PSEN1: variants seen among roughly 807,000 people sequenced by gnomAD.
PSEN1 encodes presenilin-1.
Under a neutral mutation model 53.5 loss-of-function variants are expected in PSEN1, and 15 were observed. The observed-to-expected ratio is 0.28, with a 90% CI of 0.19 to 0.43. The LOEUF (loss-of-function observed/expected upper bound fraction) is 0.43, where lower values mean the gene tolerates loss of function less well. PSEN1 is among the 20% of genes least tolerant of loss of function. The pLI, the probability that PSEN1 is intolerant of heterozygous loss-of-function variation, is 1.00. For missense variants in PSEN1, 387 were observed against 571.2 expected, an observed-to-expected ratio of 0.68 and a Z score of 3.29; for synonymous variants, 208 against 209.8, an observed-to-expected ratio of 0.99 and a Z score of 0.08.
chr14:73,210,949 G>C (rs1243925564), intron 9 of PSEN1, among the ~76,000 whole-genome samples: 3 of 152,084 alleles, frequency 2.0e-5, no homozygotes, highest in Admixed American at 2.0e-4. Context: ...GAGATTGATA[G>C]TCATTATAAT....
At chr14:73,161,760 A>G (rs1420787323) in intron 3 of PSEN1, among the ~76,000 whole-genome samples, 2 of 152,136 alleles carry the variant, frequency 1.3e-5, no homozygotes, top group African/African-American at 2.4e-5. Flanking sequence ...TGGCCCCTTC[A>G]GAGGCCAAGC....
At chr14:73,190,506 T>A (rs1293650051) in intron 6 of PSEN1, among the ~76,000 whole-genome samples, 4 of 149,466 alleles carry the variant, frequency 2.7e-5, no homozygotes, top group Non-Finnish European at 3.0e-5. Context: ...AAAAAAAAAA[T>A]TAAAATATGC....
chr14:73,150,666 T>G (rs1594967937), intron 3 of PSEN1, among the ~76,000 whole-genome samples: 1 of 147,132 alleles, frequency 6.8e-6, no homozygotes, highest in Admixed American at 7.1e-5. Flanking sequence ...CTCCAGAAAC[T>G]GAGGCAGAGA....
At chr14:73,144,327 A>G (rs1897010494) in intron 1 of PSEN1, among the ~76,000 whole-genome samples, 1 of 152,152 alleles carries the variant, frequency 6.6e-6, no homozygotes, top group African/African-American at 2.4e-5. Context: ...GGCGTGAGCC[A>G]CTGCGCCCAG....
intron 10 of PSEN1, among the ~76,000 whole-genome samples, chr14:73,215,443 C>T (rs1899873707): frequency 6.6e-6 from 1 of 151,166 alleles, no homozygotes; most frequent in African/African-American, 2.4e-5. Flanking sequence ...ATTAGCCGGG[C>T]GTGGTGGCGC....
intron 10 of PSEN1, among the ~76,000 whole-genome samples, chr14:73,214,885 T>C (rs1036848795): frequency 1.3e-5 from 2 of 152,218 alleles, no homozygotes; most frequent in African/African-American, 4.8e-5. Context: ...GATACGATTA[T>C]ACCTAGTGTC....
rs900305200 is a variant in PSEN1, at chr14:73,194,376, C to T, written c.769+1512C>T. 4.1e-4 allele frequency among the ~76,000 whole-genome samples: 62 copies of T among 151,990 alleles called. 1 individual carries two copies. The highest frequency in any genetic ancestry group is 1.4e-3 in the African/African-American group (56 of 41,358). On this transcript the variant is annotated intron_variant, in intron 7 of 11. Transcript: ENST00000324501. Reference sequence around the variant, plus strand: ...GGCTCAAACAATCCTCCCACCTCAGCCTTCAAAGTAGATAGAACTACAGGC... The same window carrying T: ...GGCTCAAACAATCCTCCCACCTCAGTCTTCAAAGTAGATAGAACTACAGGC...
Position 73,147,875 on chromosome 14 carries a change from AG to A in PSEN1, c.-54+1del, listed in dbSNP as rs1486792550. The stretch of plus-strand genomic sequence containing the variant: ...GCCTGGAGGAGAACACATGAAAGAA[AG>A]GTTTGTTTCTGCTTAATGTAATCTA... On this transcript the variant is annotated splice_region_variant and 5_prime_UTR_variant, in exon 2 of 12. Coordinates refer to ENST00000324501, the MANE Select transcript of PSEN1 (RefSeq NM_000021.4). The A allele has an allele frequency of 2.8e-6, 2 of 713,200 alleles. No individual in the cohort carries two copies. The highest frequency in any genetic ancestry group is 1.8e-5 in the African/African-American group (1 of 56,880). The allele number at this position is 713,200 out of a possible 1,614,324, so 44.2% of individuals were successfully genotyped here. A position where few individuals can be genotyped will look rare whatever the true frequency, so the allele number is the denominator to read the frequency against.
intron 5 of PSEN1, chr14:73,173,929 C>G (rs373588204): frequency 5.6e-5 from 36 of 646,212 alleles, no homozygotes; most frequent in Admixed American, 2.5e-5. Context: ...GCAGGAGGAT[C>G]ACTTGGGCCC....
intron 5 of PSEN1, among the ~76,000 whole-genome samples, chr14:73,176,577 G>A (rs531844391): frequency 6.6e-6 from 1 of 152,122 alleles, no homozygotes; most frequent in South Asian, 2.1e-4. Flanking sequence ...ATTTTTCTGT[G>A]TTTTCATATT....
At position 73,198,110 on chromosome 14, in the gene PSEN1, T is replaced by C; in HGVS notation, c.849T>C (p.Phe283=). ...CTCAGGAGAGAAATGAAACGCTTTT[T>C]CCAGCTCTCATTTACTCCTGTAAGT... ...ETAQERNETL[F]PALIYSSTMV... Residue 283 remains phenylalanine, a synonymous_variant, in exon 8 of 12, where the codon TTT becomes TTC. Transcript: ENST00000324501. 1 of 1,606,980 alleles carries C rather than the reference T, an allele frequency of 6.2e-7. No homozygotes were observed. The highest frequency in any genetic ancestry group is 8.5e-7 in the Non-Finnish European group (1 of 1,173,902).
At chr14:73,214,046 A>G (rs947465772) in intron 10 of PSEN1, among the ~76,000 whole-genome samples, 3 of 152,212 alleles carry the variant, frequency 2.0e-5, no homozygotes, top group Non-Finnish European at 4.4e-5. Flanking sequence ...TCATAGTAAT[A>G]TTGTTCATAA....
chr14:73,217,259 A>G lies in PSEN1; in HGVS notation c.1248+15A>G. The stretch of plus-strand genomic sequence containing the variant: ...CCATATTAATTGTAAGTATACACTA[A>G]TAAGAATGTGTCAGAGCTCTTAATG... On this transcript the variant is annotated intron_variant, in intron 11 of 11. Transcript: ENST00000324501. 6.2e-7 allele frequency: 1 copy of G among 1,613,900 alleles called. No homozygotes were observed. The highest frequency in any genetic ancestry group is 2.2e-5 in the East Asian group (1 of 44,876).
At chr14:73,158,282 T>TTCTATCTATCTATCTGTCTGTCTATCTA (rs1555351587) in intron 3 of PSEN1, among the ~76,000 whole-genome samples, 1 of 141,464 alleles carries the variant, frequency 7.1e-6, no homozygotes, top group African/African-American at 2.7e-5. Flanking sequence ...TAACTTTTTT[T>TTCTATCTATCTATCTGTCTGTCTATCTA]TCTATCTATC....
rs947254918 is a variant in PSEN1 at position 73,139,357 on chromosome 14, A to G, written c.-136+2774A>G. ...CACTTTGGGAGGCCGAGGCAGGTAG[A>G]TCACCTGAGGTCAGGAGTTCGAGAC... is the stretch of plus-strand genomic sequence containing the variant. On this transcript the variant is annotated intron_variant, in intron 1 of 11. Transcript: ENST00000324501. 1.4e-4 allele frequency: 21 copies of G among 152,302 alleles called. 1 individual carries two copies. Among genetic ancestry groups the G allele is most frequent in the African/African-American group, 5.1e-4 (21 of 41,504 alleles). 9.4% of individuals were successfully genotyped at this position (152,302 alleles called of 1,614,324 possible).
chr14:73,188,467 A>G lies in PSEN1; in HGVS notation c.548+1547A>G, dbSNP rs1898597835. ...TTGAAAGTTGGATACCAACCTGCGC[A>G]ACATAACAAGACTTTGCCTCTACAA... is the stretch of plus-strand genomic sequence containing the variant. On this transcript the variant is annotated intron_variant, in intron 6 of 11. Transcript: ENST00000324501. 3.9e-5 allele frequency among the ~76,000 whole-genome samples: 6 copies of G among 152,134 alleles called. No individual in the cohort carries two copies. In the South Asian group the frequency reaches 1.2e-3, roughly 31 times the overall value.
At chr14:73,205,234 T>G (rs1424378078) in intron 8 of PSEN1, among the ~76,000 whole-genome samples, 1 of 152,136 alleles carries the variant, frequency 6.6e-6, no homozygotes, top group Non-Finnish European at 1.5e-5. Context: ...CCCAGCACTT[T>G]GGGAGGCTGA....
At chr14:73,194,491 C>T (rs1398141369) in intron 7 of PSEN1, among the ~76,000 whole-genome samples, 7 of 151,778 alleles carry the variant, frequency 4.6e-5, no homozygotes, top group African/African-American at 1.7e-4. Context: ...GAACTCCTGG[C>T]CTCAAGCGAT....
intron 7 of PSEN1, 152 bp downstream of exon 7, chr14:73,193,016 A>T: frequency 1.4e-6 from 1 of 721,398 alleles, no homozygotes; most frequent in Non-Finnish European, 2.4e-6. Flanking sequence ...TAACTTTTTC[A>T]TTTGAAGATT....
Sources: gnomAD v4.1 joint callset for allele counts (sites outside exome capture counted in the v4.1 genomes callset) on GRCh38, gnomAD v4.1.1 for gene constraint, MANE v1.5 for transcripts, NCBI Gene and HGNC (gene_info 2026-07-23, HGNC 2026-07-21) for gene names.